The following ZMAT3 variants were observed in gnomAD, a reference collection of about 807,000 sequenced individuals.
ZMAT3 encodes the protein zinc finger matrin-type protein 3.
A neutral mutation model predicts 32.3 loss-of-function variants in ZMAT3; 17 were observed. That is an observed-to-expected ratio of 0.53 (90% CI 0.36 to 0.79). The LOEUF (loss-of-function observed/expected upper bound fraction) is 0.79, where lower values mean the gene tolerates loss of function less well. Among genes scored for constraint, ZMAT3 ranks in the 30% least tolerant of loss-of-function variants. ZMAT3 has a pLI of 0.00. For synonymous variants in ZMAT3, 120 were observed against 133.1 expected, an observed-to-expected ratio of 0.90 and a Z score of 0.68; for missense variants, 329 against 359.7, an observed-to-expected ratio of 0.91 and a Z score of 0.69.
chr3:179,042,812 T>C (rs918848318), intron 2 of ZMAT3, among the ~76,000 whole-genome samples: 12 of 152,212 alleles, frequency 7.9e-5, no homozygotes, highest in African/African-American at 2.4e-4. Flanking sequence ...CATGATTGTA[T>C]ATTTAGAAAA....
At chr3:179,057,288 T>C (rs1201327419) in intron 2 of ZMAT3, among the ~76,000 whole-genome samples, 5 of 152,212 alleles carry the variant, frequency 3.3e-5, no homozygotes, top group African/African-American at 1.2e-4. Flanking sequence ...CTAACCCTTA[T>C]ACTCTGCTTT....
rs6806973 is a variant in ZMAT3 at position 179,024,898 on chromosome 3, T to C, written c.*119A>G. ...GACATCTCATGGTACCACTGTGGGTTACATGTATTAACATTAAGCAGAGGA... is the reference window on the plus strand; with the variant it reads ...GACATCTCATGGTACCACTGTGGGTCACATGTATTAACATTAAGCAGAGGA... On this transcript the variant is annotated 3_prime_UTR_variant, in exon 6 of 6. Coordinates refer to ENST00000311417, the MANE Select transcript of ZMAT3 (RefSeq NM_022470.4). 3,512 of 962,314 alleles carry C rather than the reference T, an allele frequency of 3.6e-3. 79 individuals carry two copies. In the African/African-American group the frequency reaches 0.05, roughly 14 times the overall value. The allele number at this position is 962,314 out of a possible 1,614,324, so 59.6% of individuals were successfully genotyped here.
intron 2 of ZMAT3, among the ~76,000 whole-genome samples, chr3:179,061,182 A>G (rs767547795): frequency 2.4e-4 from 37 of 152,232 alleles, no homozygotes; most frequent in Non-Finnish European, 2.5e-4. Flanking sequence ...TCCCACCTAA[A>G]GAGTGGTAAG....
At chr3:179,050,065 A>G (rs1211652408) in intron 2 of ZMAT3, among the ~76,000 whole-genome samples, 1 of 150,736 alleles carries the variant, frequency 6.6e-6, no homozygotes, top group Non-Finnish European at 1.5e-5. Context: ...CACACCTCAC[A>G]GAACTGGAGA....
Position 179,025,286 on chromosome 3 carries a change from G to T in ZMAT3, c.659-58C>A. On this transcript the variant is annotated intron_variant, in intron 5 of 5. Transcript: ENST00000311417. Reference sequence around the variant, plus strand: ...ATATTCATTAAGTGAATGACAACCTGACCAATTATCACTGTAATTTGTAAT... The same window carrying T: ...ATATTCATTAAGTGAATGACAACCTTACCAATTATCACTGTAATTTGTAAT... The T allele has an allele frequency of 2.2e-6, 3 of 1,344,650 alleles. No homozygotes were observed. The South Asian group carries it at 3.8e-5, about 17-fold the overall frequency. 83.3% of individuals were successfully genotyped at this position (1,344,650 alleles called of 1,614,324 possible).
intron 5 of ZMAT3, among the ~76,000 whole-genome samples, chr3:179,027,188 T>G (rs1199254069): frequency 6.6e-6 from 1 of 152,114 alleles, no homozygotes. Context: ...AGATAAGAGA[T>G]CCTAAAACAC....
Position 179,030,860 on chromosome 3 carries a change from C to G in ZMAT3, c.390+20G>C. On this transcript the variant is annotated intron_variant, in intron 3 of 5. Transcript: ENST00000311417. ...CAGCTTCCACCCTAATGCTGCTTCACCCTGACACACATGTCTCACCTGCGG... is the reference window on the plus strand; with the variant it reads ...CAGCTTCCACCCTAATGCTGCTTCAGCCTGACACACATGTCTCACCTGCGG... 1 of 1,604,992 alleles carries G rather than the reference C, an allele frequency of 6.2e-7. No individual in the cohort carries two copies.
chr3:179,047,810 G>C (rs1023499139), intron 2 of ZMAT3, among the ~76,000 whole-genome samples: 2 of 151,988 alleles, frequency 1.3e-5, no homozygotes, highest in African/African-American at 2.4e-5. Flanking sequence ...AGTGAGCTGA[G>C]ATCATGTGAC....
chr3:179,048,650 C>T (rs1720376280), intron 2 of ZMAT3, among the ~76,000 whole-genome samples: 1 of 152,022 alleles, frequency 6.6e-6, no homozygotes, highest in Non-Finnish European at 1.5e-5. Flanking sequence ...ATTACAAGAA[C>T]TACTAAAAGG....
rs1440583084 is a variant in ZMAT3, at chr3:179,023,940, T to C, written c.*1077A>G. On this transcript the variant is annotated 3_prime_UTR_variant, in exon 6 of 6. Transcript: ENST00000311417. ...TTTCACTGTGTTAGCCAGGATGATC[T>C]CGACCTCCTGACCTCGTGATCCGCC... 6.6e-6 allele frequency: 1 copy of C among 150,946 alleles called. No individual in the cohort carries two copies. 9.4% of individuals were successfully genotyped at this position (150,946 alleles called of 1,614,324 possible).
Position 179,048,441 on chromosome 3 carries a change from C to T in ZMAT3, c.271-17442G>A, listed in dbSNP as rs188577467. Among the ~76,000 whole-genome samples, 546 of 152,296 alleles carry T rather than the reference C, an allele frequency of 3.6e-3. 2 individuals are homozygous for T. The highest frequency in any genetic ancestry group is 0.012 in the African/African-American group (516 of 41,548). ...CATCAGGTAACCTATAAAGGAAAAC[C>T]TATCAGATTAACAGCAGATGTCTCA... On this transcript the variant is annotated intron_variant, in intron 2 of 5. Coordinates refer to ENST00000311417, the MANE Select transcript of ZMAT3 (RefSeq NM_022470.4).
chr3:179,062,947 T>C (rs551064559), intron 2 of ZMAT3, among the ~76,000 whole-genome samples: 151 of 152,276 alleles, frequency 9.9e-4, no homozygotes, highest in African/African-American at 3.2e-3. Context: ...TTCTAAACAA[T>C]AGCAACCTAT....
chr3:179,061,557 T>G (rs896571862), intron 2 of ZMAT3, among the ~76,000 whole-genome samples: 1 of 151,928 alleles, frequency 6.6e-6, no homozygotes, highest in Admixed American at 6.6e-5. Context: ...ATACCTTTTT[T>G]GAAAGGCTTA....
chr3:179,064,254 C>T (rs1175527410), intron 2 of ZMAT3, among the ~76,000 whole-genome samples: 4 of 152,220 alleles, frequency 2.6e-5, no homozygotes, highest in Admixed American at 2.0e-4. Context: ...TTATCTCACA[C>T]ATAACTGAAA....
chr3:179,057,017 C>T (rs1720881885), intron 2 of ZMAT3, among the ~76,000 whole-genome samples: 1 of 152,126 alleles, frequency 6.6e-6, no homozygotes, highest in Non-Finnish European at 1.5e-5. Context: ...TATGGATGAG[C>T]AAAGAATGCC....
intron 2 of ZMAT3, among the ~76,000 whole-genome samples, chr3:179,053,060 G>A (rs984675561): frequency 5.9e-5 from 9 of 151,898 alleles, no homozygotes; most frequent in African/African-American, 1.5e-4. Context: ...CCCAGGAGGC[G>A]GAGGTTGCAG....
At chr3:179,059,773 T>C (rs1316857125) in intron 2 of ZMAT3, among the ~76,000 whole-genome samples, 1 of 152,040 alleles carries the variant, frequency 6.6e-6, no homozygotes, top group African/African-American at 2.4e-5. Context: ...GTAGTTAGAG[T>C]GGTTGTCGGC....
chr3:179,034,650 G>A (rs1046238034), intron 2 of ZMAT3, among the ~76,000 whole-genome samples: 34 of 152,102 alleles, frequency 2.2e-4, no homozygotes, highest in African/African-American at 7.7e-4. Flanking sequence ...ATACTTTCAC[G>A]TCTTAAGAGG....
chr3:179,045,640 T>C (rs1270287373), intron 2 of ZMAT3, among the ~76,000 whole-genome samples: 1 of 152,192 alleles, frequency 6.6e-6, no homozygotes, highest in African/African-American at 2.4e-5. Context: ...AAACAATGTG[T>C]GGTAACAATA....
Sources: allele counts gnomAD v4.1 joint callset (sites outside exome capture counted in the v4.1 genomes callset), GRCh38; gene constraint gnomAD v4.1.1; transcripts MANE v1.5; gene names NCBI Gene and HGNC (gene_info 2026-07-23, HGNC 2026-07-21).